LRRFIP2: variants seen among roughly 807,000 people sequenced by gnomAD.
The protein encoded by LRRFIP2 is leucine-rich repeat flightless-interacting protein 2.
Under a neutral mutation model 125.9 loss-of-function variants are expected in LRRFIP2, and 109 were observed. The observed-to-expected ratio is 0.87, with a 90% CI of 0.74 to 1.01. The LOEUF is 1.01. Ranked by LOEUF, LRRFIP2 falls within the 50% of genes least tolerant of loss-of-function variation. The pLI is 0.00. For synonymous variants in LRRFIP2, 291 were observed against 293.1 expected (o/e 0.99, Z 0.07); for missense variants, 850 against 862.3 (o/e 0.99, Z 0.18).
intron 1 of LRRFIP2, among the ~76,000 whole-genome samples, chr3:37,160,910 C>T (rs373107129): frequency 5.9e-5 from 9 of 152,050 alleles, no homozygotes; most frequent in Admixed American, 3.9e-4. Context: ...CTTATGCCCA[C>T]ACAAAAACTT....
At chr3:37,154,214 C>T (rs931667369) in intron 1 of LRRFIP2, among the ~76,000 whole-genome samples, 4 of 152,026 alleles carry the variant, frequency 2.6e-5, no homozygotes, top group Non-Finnish European at 4.4e-5. Context: ...AAGGTTTTTC[C>T]GTTCTCATGC....
At chr3:37,070,710 A>G (rs1310949099) in intron 21 of LRRFIP2, among the ~76,000 whole-genome samples, 3 of 152,078 alleles carry the variant, frequency 2.0e-5, no homozygotes, top group African/African-American at 7.2e-5. Context: ...AGCCTTGGGG[A>G]GAGAGAGAGA....
chr3:37,164,814 T>G (rs967411928), intron 1 of LRRFIP2, among the ~76,000 whole-genome samples: 3 of 152,144 alleles, frequency 2.0e-5, no homozygotes, highest in Non-Finnish European at 4.4e-5. Flanking sequence ...TCGCCCTTCC[T>G]ACTGTTCACA....
At chr3:37,101,217 C>T (rs1013194660) in intron 15 of LRRFIP2, among the ~76,000 whole-genome samples, 2 of 151,738 alleles carry the variant, frequency 1.3e-5, no homozygotes, top group Non-Finnish European at 2.9e-5. Flanking sequence ...ATTAGCCAGG[C>T]GTGGTGGCAG....
chr3:37,173,056 G>A (rs915708596), intron 1 of LRRFIP2: 2 of 152,236 alleles, frequency 1.3e-5, no homozygotes, highest in African/African-American at 4.8e-5. Context: ...AAATTAGCTG[G>A]GCATGGTGGC....
chr3:37,093,729 C>T (rs1019997918), intron 17 of LRRFIP2, among the ~76,000 whole-genome samples: 2 of 152,168 alleles, frequency 1.3e-5, no homozygotes, highest in African/African-American at 4.8e-5. Flanking sequence ...AAACTGAATT[C>T]CTTTCAGGCT....
intron 19 of LRRFIP2, among the ~76,000 whole-genome samples, chr3:37,076,753 C>A (rs1000389009): frequency 1.3e-5 from 2 of 151,692 alleles, no homozygotes; most frequent in African/African-American, 2.4e-5. Context: ...GTAATCCCAG[C>A]TACTCGGGAG....
At chr3:37,170,634 T>C (rs546452236) in intron 1 of LRRFIP2, 1 of 152,342 alleles carries the variant, frequency 6.6e-6, no homozygotes, top group South Asian at 2.1e-4. Context: ...CTATTTTAAC[T>C]GGGGCCCTCC....
intron 1 of LRRFIP2, among the ~76,000 whole-genome samples, chr3:37,161,274 G>A (rs887950063): frequency 6.7e-6 from 1 of 149,916 alleles, no homozygotes; most frequent in Non-Finnish European, 1.5e-5. Context: ...AGAATCACTT[G>A]AACCCAGGAG....
intron 3 of LRRFIP2, among the ~76,000 whole-genome samples, chr3:37,128,012 C>T (rs2095329355): frequency 6.6e-6 from 1 of 152,118 alleles, no homozygotes; most frequent in Admixed American, 6.5e-5. Flanking sequence ...ACTTCAAACT[C>T]CCAGGCTCAA....
intron 18 of LRRFIP2, among the ~76,000 whole-genome samples, chr3:37,086,661 T>C (rs1157980018): frequency 2.0e-5 from 3 of 152,152 alleles, no homozygotes; most frequent in Non-Finnish European, 2.9e-5. Context: ...ATCTCCAGAA[T>C]AGGCGAATCT....
chr3:37,107,391 C>G (rs9836891), intron 13 of LRRFIP2, among the ~76,000 whole-genome samples: 53,337 of 151,948 alleles, frequency 0.35, 10,516 homozygotes, highest in Non-Finnish European at 0.45. Context: ...CAGAAAGCTA[C>G]TTTAAATAAA....
chr3:37,154,737 G>C (rs183898318), intron 1 of LRRFIP2: 7 of 152,280 alleles, frequency 4.6e-5, no homozygotes, highest in African/African-American at 1.7e-4. Context: ...GAAACAATAG[G>C]CATTTTGCCA....
At chr3:37,136,332 G>A (rs1456488629) in intron 2 of LRRFIP2, among the ~76,000 whole-genome samples, 1 of 152,154 alleles carries the variant, frequency 6.6e-6, no homozygotes, top group Non-Finnish European at 1.5e-5. Context: ...TTCTTTTTGG[G>A]CTGATGAAAT....
intron 1 of LRRFIP2, chr3:37,172,877 C>T (rs1181634453): frequency 6.6e-6 from 1 of 152,138 alleles, no homozygotes; most frequent in Non-Finnish European, 1.5e-5. Context: ...TGTTCAATTC[C>T]TTCCTTCTGA....
intron 1 of LRRFIP2, among the ~76,000 whole-genome samples, chr3:37,156,673 C>CAAAAAAAAAAAAAAAAAAAA (rs59647339): frequency 3.3e-5 from 1 of 30,566 alleles, no homozygotes. Flanking sequence ...GACTCAGTAT[C>CAAAAAAAAAAAAAAAAAAAA]AAAAAAAAAA....
At chr3:37,063,663 A>C in intron 24 of LRRFIP2, 79 bp downstream of exon 24, 1 of 1,025,126 alleles carries the variant, frequency 9.8e-7, no homozygotes, top group Non-Finnish European at 1.5e-6. Context: ...ATATTTTTTT[A>C]ATGAACATTT....
intron 1 of LRRFIP2, among the ~76,000 whole-genome samples, chr3:37,173,762 T>C (rs1674434814): frequency 6.6e-6 from 1 of 152,216 alleles, no homozygotes; most frequent in African/African-American, 2.4e-5. Flanking sequence ...GGGTAAACAA[T>C]CCACAAAGAG....
chr3:37,112,290 C>T (rs1480104487), intron 8 of LRRFIP2, among the ~76,000 whole-genome samples: 30 of 147,952 alleles, frequency 2.0e-4, no homozygotes, highest in African/African-American at 6.5e-4. Flanking sequence ...GAGCCGAGAT[C>T]GCGCCATGCA....
Sources: gnomAD v4.1 joint callset for allele counts (sites outside exome capture counted in the v4.1 genomes callset) on GRCh38, gnomAD v4.1.1 for gene constraint, MANE v1.5 for transcripts, NCBI Gene and HGNC (gene_info 2026-07-23, HGNC 2026-07-21) for gene names.